Variants in SPOCK3 observed in about 807,000 individuals in gnomAD.
SPOCK3 encodes SPARC (osteonectin), cwcv and kazal like domains proteoglycan 3, also known as testican-3.
SPOCK3 carries 30 observed loss-of-function variants against 56.6 expected under a neutral mutation model. That is an observed-to-expected ratio of 0.53 (90% CI 0.40 to 0.72). SPOCK3 has a LOEUF of 0.72. Among genes scored for constraint, SPOCK3 ranks in the 30% least tolerant of loss-of-function variants. SPOCK3 has a pLI of 0.00. For synonymous variants in SPOCK3, 196 were observed against 183.3 expected, an observed-to-expected ratio of 1.07 and a Z score of -0.56; for missense variants, 527 against 530.0, an observed-to-expected ratio of 0.99 and a Z score of 0.06.
chr4:166,890,955 T>C (rs1268783871), intron 5 of SPOCK3, among the ~76,000 whole-genome samples: 1 of 152,070 alleles, frequency 6.6e-6, no homozygotes, highest in Non-Finnish European at 1.5e-5. Flanking sequence ...GGTACTCATA[T>C]ATTTAGGATA....
At chr4:167,230,234 C>T (rs1451146022) in intron 2 of SPOCK3, among the ~76,000 whole-genome samples, 1 of 151,582 alleles carries the variant, frequency 6.6e-6, no homozygotes, top group Non-Finnish European at 1.5e-5. Context: ...GTTCCAAATT[C>T]CATACTCATT....
intron 6 of SPOCK3, among the ~76,000 whole-genome samples, chr4:166,870,104 T>A (rs1312566471): frequency 6.6e-6 from 1 of 152,044 alleles, no homozygotes; most frequent in Non-Finnish European, 1.5e-5. Flanking sequence ...CTATTCTCAC[T>A]AATGAATCCC....
At position 166,860,003 on chromosome 4, in the gene SPOCK3, AT is replaced by A. The variant is rs1040610847; in HGVS notation, c.589+29126del. ...ATTTAGGTTAACCACAGTGACTAGA[AT>A]TTATCTTGCCACTGGAATGTAAGAG... On this transcript the variant is annotated intron_variant, in intron 6 of 10. Coordinates refer to ENST00000357545, the MANE Select transcript of SPOCK3 (RefSeq NM_001040159.2). 1.9e-4 allele frequency among the ~76,000 whole-genome samples: 29 copies of A among 152,274 alleles called. 1 individual carries two copies. The highest frequency in any genetic ancestry group is 6.7e-4 in the African/African-American group (28 of 41,572).
intron 7 of SPOCK3, among the ~76,000 whole-genome samples, chr4:166,772,557 A>G (rs997435104): frequency 8.5e-6 from 1 of 118,116 alleles, no homozygotes; most frequent in African/African-American, 3.3e-5. Context: ...ATTAGAAGAA[A>G]GAGAGGAAAA....
intron 2 of SPOCK3, among the ~76,000 whole-genome samples, chr4:167,222,364 T>C (rs937084321): frequency 1.3e-5 from 2 of 151,704 alleles, no homozygotes; most frequent in African/African-American, 2.4e-5. Flanking sequence ...TGGAGACTGG[T>C]TGCAAAACAA....
chr4:167,125,256 G>A (rs1218270405), intron 2 of SPOCK3, among the ~76,000 whole-genome samples: 1 of 147,344 alleles, frequency 6.8e-6, no homozygotes, highest in African/African-American at 2.5e-5. Flanking sequence ...TTTTGGCTGG[G>A]GTAGAGGACT....
intron 4 of SPOCK3, among the ~76,000 whole-genome samples, chr4:166,933,459 G>C (rs896220779): frequency 6.6e-6 from 1 of 152,058 alleles, no homozygotes; most frequent in African/African-American, 2.4e-5. Flanking sequence ...TCCCTGAATG[G>C]TTAAATTCCT....
intron 4 of SPOCK3, among the ~76,000 whole-genome samples, chr4:166,987,435 T>C (rs759999734): frequency 2.0e-5 from 3 of 152,198 alleles, no homozygotes; most frequent in Non-Finnish European, 4.4e-5. Flanking sequence ...TATCTTAAAT[T>C]ATATTGCGTA....
At chr4:167,216,965 TAAAATA>T (rs1219603217) in intron 2 of SPOCK3, among the ~76,000 whole-genome samples, 1 of 152,028 alleles carries the variant, frequency 6.6e-6, no homozygotes, top group Non-Finnish European at 1.5e-5. Context: ...AGAGAAATCC[TAAAATA>T]AATATAAATA....
intron 2 of SPOCK3, among the ~76,000 whole-genome samples, chr4:167,225,907 G>A (rs1736549524): frequency 6.6e-6 from 1 of 152,178 alleles, no homozygotes; most frequent in Non-Finnish European, 1.5e-5. Context: ...AAGCCTAAGA[G>A]CTGCATGAAC....
At chr4:167,169,614 G>A (rs1730318041) in intron 2 of SPOCK3, among the ~76,000 whole-genome samples, 1 of 152,132 alleles carries the variant, frequency 6.6e-6, no homozygotes, top group Non-Finnish European at 1.5e-5. Flanking sequence ...TGTCTCAGAT[G>A]AGAATTTGGA....
At chr4:167,065,844 A>G (rs906832124) in intron 2 of SPOCK3, among the ~76,000 whole-genome samples, 1 of 151,914 alleles carries the variant, frequency 6.6e-6, no homozygotes, top group African/African-American at 2.4e-5. Context: ...ATTTATATCC[A>G]AAATAAGCCA....
intron 4 of SPOCK3, among the ~76,000 whole-genome samples, chr4:166,968,172 T>G (rs1031259800): frequency 6.6e-6 from 1 of 152,196 alleles, no homozygotes; most frequent in African/African-American, 2.4e-5. Flanking sequence ...AGAAATGACC[T>G]GAAACTAGAG....
chr4:167,089,163 A>G (rs1758487528), intron 2 of SPOCK3, among the ~76,000 whole-genome samples: 2 of 152,146 alleles, frequency 1.3e-5, no homozygotes, highest in African/African-American at 2.4e-5. Context: ...GTGTACATAT[A>G]TATATAAATA....
intron 5 of SPOCK3, among the ~76,000 whole-genome samples, chr4:166,911,310 T>A (rs1275329509): frequency 6.6e-6 from 1 of 152,152 alleles, no homozygotes; most frequent in Non-Finnish European, 1.5e-5. Flanking sequence ...AGATTTGTAA[T>A]TGTAAAAGGC....
chr4:167,135,869 C>T (rs757910022), intron 2 of SPOCK3, among the ~76,000 whole-genome samples: 6 of 152,004 alleles, frequency 3.9e-5, no homozygotes, highest in Non-Finnish European at 7.4e-5. Context: ...ATTCCACTTC[C>T]GATTTGATCT....
At chr4:167,043,003 A>G (rs1222433364) in intron 3 of SPOCK3, among the ~76,000 whole-genome samples, 1 of 152,078 alleles carries the variant, frequency 6.6e-6, no homozygotes, top group Non-Finnish European at 1.5e-5. Flanking sequence ...TCTCTTCAAT[A>G]GCAACCTCAT....
intron 2 of SPOCK3, among the ~76,000 whole-genome samples, chr4:167,168,981 C>A (rs990623394): frequency 2.0e-5 from 3 of 152,282 alleles, no homozygotes; most frequent in African/African-American, 7.2e-5. Context: ...AGAGTGCAAG[C>A]CCCAAGCCTT....
rs1304643554 is a variant in SPOCK3 at position 166,951,390 on chromosome 4, T to G, written c.351-38647A>C. ...TCCCAAGACTAAACCAGGAAGAAGTTGAATCTCTGAATAGACCAATAACAG... is the reference window on the plus strand; with the variant it reads ...TCCCAAGACTAAACCAGGAAGAAGTGGAATCTCTGAATAGACCAATAACAG... On this transcript the variant is annotated intron_variant, in intron 4 of 10. Coordinates refer to ENST00000357545, the MANE Select transcript of SPOCK3 (RefSeq NM_001040159.2). Among the ~76,000 whole-genome samples, 45 of 139,352 alleles carry G rather than the reference T, an allele frequency of 3.2e-4. 11 individuals carry two copies. Among genetic ancestry groups the G allele is most frequent in the African/African-American group, 9.6e-4 (32 of 33,276 alleles). The allele number at this position is 139,352 out of a possible 152,430, so 91.4% of individuals were successfully genotyped here. A position where few individuals can be genotyped will look rare whatever the true frequency, so the allele number is the denominator to read the frequency against.
Sources: allele counts gnomAD v4.1 joint callset (sites outside exome capture counted in the v4.1 genomes callset), GRCh38; gene constraint gnomAD v4.1.1; transcripts MANE v1.5; gene names NCBI Gene and HGNC (gene_info 2026-07-23, HGNC 2026-07-21).